The following C12orf50 variants were observed in gnomAD, a reference collection of about 807,000 sequenced individuals.
C12orf50 encodes zinc finger CCCH-type containing 11D, also known as uncharacterized protein C12orf50.
A neutral mutation model predicts 61.6 loss-of-function variants in C12orf50; 35 were observed. The observed-to-expected ratio is 0.57, with a 90% CI of 0.43 to 0.75. The LOEUF (loss-of-function observed/expected upper bound fraction) is 0.75. Among genes scored for constraint, C12orf50 ranks in the 30% least tolerant of loss-of-function variants. C12orf50 has a pLI of 0.00. For missense variants in C12orf50, 475 were observed against 488.5 expected (o/e 0.97, Z 0.26); for synonymous variants, 178 against 161.5 (o/e 1.10, Z -0.77).
chr12:88,029,723 C>T (rs1045769673), upstream of C12orf50, among the ~76,000 whole-genome samples: 2 of 151,968 alleles, frequency 1.3e-5, no homozygotes, highest in Non-Finnish European at 2.9e-5. Flanking sequence ...AAAAATTTGC[C>T]ATAGGTAAAT....
intron 1 of C12orf50, chr12:88,029,107 C>T (rs2032810321): frequency 7.8e-7 from 1 of 1,285,590 alleles, no homozygotes; most frequent in Non-Finnish European, 1.0e-6. Flanking sequence ...GCAGTCATTC[C>T]CAACTTCTGC....
Position 87,991,553 on chromosome 12 carries a change from A to G in C12orf50, c.593-2182T>C, listed in dbSNP as rs187413072. Among the ~76,000 whole-genome samples, 8 of 152,318 alleles carry G rather than the reference A, an allele frequency of 5.3e-5. No homozygotes were observed. The East Asian group carries it at 1.5e-3, about 29-fold the overall frequency. On this transcript the variant is annotated intron_variant, in intron 7 of 12. Coordinates refer to ENST00000298699, the MANE Select transcript of C12orf50 (RefSeq NM_152589.3). ...TATCCAGATTTATCTAGAGAAGTCA[A>G]TAAGAAAAAAATATTTTAAATGGGC...
chr12:88,011,172 T>C (rs1351976998), intron 3 of C12orf50, among the ~76,000 whole-genome samples: 1 of 152,148 alleles, frequency 6.6e-6, no homozygotes, highest in Non-Finnish European at 1.5e-5. Context: ...GCTTGTCCTG[T>C]AATCATTTTA....
In C12orf50 at chr12:87,980,320, AACC is replaced by A; in HGVS notation, c.*8_*10del. On this transcript the variant is annotated 3_prime_UTR_variant, in exon 13 of 13. Transcript: ENST00000298699. Reference sequence around the variant, plus strand: ...ATTTTTTCTCATTTTTCTCTCTCTCAACCTCCAGGTTTACTTGCTCCCATTTCT... The same window carrying A: ...ATTTTTTCTCATTTTTCTCTCTCTCATCCAGGTTTACTTGCTCCCATTTCT... The A allele has an allele frequency of 1.9e-6, 3 of 1,607,894 alleles. No individual in the cohort carries two copies. Among genetic ancestry groups the A allele is most frequent in the Non-Finnish European group, 2.6e-6 (3 of 1,176,324 alleles).
intron 3 of C12orf50, among the ~76,000 whole-genome samples, 195 bp from the exon 4 acceptor site, chr12:87,998,385 A>G (rs1488250380): frequency 1.3e-5 from 2 of 152,164 alleles, no homozygotes; most frequent in African/African-American, 2.4e-5. Context: ...TCCCACTTAC[A>G]ATAGCATCAA....
chr12:88,029,018 T>C (rs1464614651), intron 1 of C12orf50: 1 of 1,057,236 alleles, frequency 9.5e-7, no homozygotes, highest in South Asian at 1.8e-5. Context: ...CCCTTCATTC[T>C]ACTAAAAAGA....
rs141447871 is a variant in C12orf50 at position 87,993,923 on chromosome 12, G to A, written c.592+710C>T. Among the ~76,000 whole-genome samples the A allele has an allele frequency of 3.6e-4, 55 of 152,210 alleles. 1 individual carries two copies. The highest frequency in any genetic ancestry group is 1.3e-3 in the African/African-American group (54 of 41,542). ...TTTAAAGTAGACTTTAAGTCCACTG[G>A]GCTCGGTGGCTCGTGCCTGTAATCC... On this transcript the variant is annotated intron_variant, in intron 7 of 12. Transcript: ENST00000298699.
intron 6 of C12orf50, 78 bp from the exon 7 acceptor site, chr12:87,994,821 T>C (rs1035266077): frequency 4.5e-6 from 4 of 886,878 alleles, no homozygotes; most frequent in Non-Finnish European, 7.1e-6. Flanking sequence ...GAATGCATGA[T>C]GAAAGTAAAA....
chr12:87,989,988 T>G (rs1258329675), intron 7 of C12orf50, among the ~76,000 whole-genome samples: 1 of 152,170 alleles, frequency 6.6e-6, no homozygotes, highest in Non-Finnish European at 1.5e-5. Flanking sequence ...TTAACTATCT[T>G]TCTATACTGC....
intron 1 of C12orf50, 88 bp downstream of exon 1, chr12:88,029,252 T>G: frequency 2.4e-6 from 1 of 410,360 alleles, no homozygotes; most frequent in South Asian, 2.4e-5. Flanking sequence ...TCTTTCAGGC[T>G]ATCAGTAGTA....
intron 9 of C12orf50, among the ~76,000 whole-genome samples, chr12:87,987,040 T>A (rs1377936460): frequency 1.3e-5 from 2 of 152,158 alleles, no homozygotes; most frequent in African/African-American, 4.8e-5. Context: ...CTTAAAACAA[T>A]TTTGTAGAGG....
rs530942420 is a variant in C12orf50, at chr12:87,994,536, A to G, written c.592+97T>C. 2.2e-5 allele frequency: 20 copies of G among 926,012 alleles called. No individual in the cohort carries two copies. In the Admixed American group the frequency reaches 3.4e-4, roughly 16 times the overall value. 57.4% of individuals were successfully genotyped at this position (926,012 alleles called of 1,614,324 possible). A position where few individuals can be genotyped will look rare whatever the true frequency, so the allele number is the denominator to read the frequency against. ...TCCAAACTCTTGTGTTAAACATGACATGGACAAAAAAAGAAAATTAGTTGT... is the reference window on the plus strand; with the variant it reads ...TCCAAACTCTTGTGTTAAACATGACGTGGACAAAAAAAGAAAATTAGTTGT... On this transcript the variant is annotated intron_variant, in intron 7 of 12. Transcript: ENST00000298699.
intron 6 of C12orf50, among the ~76,000 whole-genome samples, chr12:87,995,853 T>C (rs1238017999): frequency 2.0e-5 from 3 of 152,172 alleles, no homozygotes; most frequent in Admixed American, 2.0e-4. Flanking sequence ...CAGATGTTCA[T>C]CCACAGTAAA....
chr12:88,014,862 T>A (rs2032253140), intron 3 of C12orf50, among the ~76,000 whole-genome samples: 1 of 152,228 alleles, frequency 6.6e-6, no homozygotes, highest in Non-Finnish European at 1.5e-5. Context: ...TCTAATCTCT[T>A]ATAACTCCAC....
At chr12:88,012,641 G>C (rs2032155028) in intron 3 of C12orf50, among the ~76,000 whole-genome samples, 1 of 152,106 alleles carries the variant, frequency 6.6e-6, no homozygotes. Context: ...TAAAATAACT[G>C]ACTGATCTTC....
chr12:88,009,307 A>G (rs943285510), intron 3 of C12orf50, among the ~76,000 whole-genome samples: 1 of 152,100 alleles, frequency 6.6e-6, no homozygotes, highest in Non-Finnish European at 1.5e-5. Context: ...GTCTTCACCA[A>G]GAATTGATAG....
At chr12:87,989,131 A>G in intron 8 of C12orf50, 133 bp downstream of exon 8, 2 of 616,272 alleles carry the variant, frequency 3.2e-6, no homozygotes, top group East Asian at 5.8e-5. Context: ...CTGGAACCTT[A>G]GAGCTCTTGA....
At chr12:87,998,579 G>A (rs1024542530) in intron 3 of C12orf50, among the ~76,000 whole-genome samples, 2 of 152,112 alleles carry the variant, frequency 1.3e-5, no homozygotes, top group African/African-American at 4.8e-5. Context: ...GGACTGATTT[G>A]TATTTGGTAT....
At chr12:87,992,634 T>G (rs937397362) in intron 7 of C12orf50, among the ~76,000 whole-genome samples, 1 of 150,102 alleles carries the variant, frequency 6.7e-6, no homozygotes, top group Non-Finnish European at 1.5e-5. Flanking sequence ...TCCACTTATA[T>G]AAAGGTCAAA....
Sources: gnomAD v4.1 joint callset for allele counts (sites outside exome capture counted in the v4.1 genomes callset) on GRCh38, gnomAD v4.1.1 for gene constraint, MANE v1.5 for transcripts, NCBI Gene and HGNC (gene_info 2026-07-23, HGNC 2026-07-21) for gene names.